CADPS2: variants seen among roughly 807,000 people sequenced by gnomAD.
CADPS2 encodes calcium dependent secretion activator 2.
A neutral mutation model predicts 172.5 loss-of-function variants in CADPS2; 93 were observed. That is an observed-to-expected ratio of 0.54 (90% CI 0.46 to 0.64). CADPS2 has a LOEUF of 0.64. Ranked by LOEUF, CADPS2 falls within the 30% of genes least tolerant of loss-of-function variation. The probability of loss-of-function intolerance (pLI) is 0.00; values close to 1 mark genes in which losing one functional copy is unlikely to be tolerated. For synonymous variants in CADPS2, 546 were observed against 555.2 expected, an observed-to-expected ratio of 0.98 and a Z score of 0.23; for missense variants, 1,420 against 1,565.9, an observed-to-expected ratio of 0.91 and a Z score of 1.57.
chr7:122,318,909 G>A lies in CADPS2; in HGVS notation c.*1256C>T, dbSNP rs929605848. Reference sequence around the variant, plus strand: ...TACCTCCACTTATTCTGCATTAACTGCCTTCATTTAAAAATTACTTATTAA... The same window carrying A: ...TACCTCCACTTATTCTGCATTAACTACCTTCATTTAAAAATTACTTATTAA... On this transcript the variant is annotated 3_prime_UTR_variant, in exon 30 of 30. Transcript: ENST00000449022. The A allele has an allele frequency of 6.6e-6, 1 of 152,128 alleles. No homozygotes were observed. Among genetic ancestry groups the A allele is most frequent in the African/African-American group, 2.4e-5 (1 of 41,426 alleles). The allele number at this position is 152,128 out of a possible 1,614,324, so 9.4% of individuals were successfully genotyped here.
intron 7 of CADPS2, among the ~76,000 whole-genome samples, chr7:122,560,970 T>A (rs1431636766): frequency 6.6e-6 from 1 of 152,200 alleles, no homozygotes; most frequent in South Asian, 2.1e-4. Flanking sequence ...ATGGATCAGA[T>A]GATTTGTCTA....
intron 1 of CADPS2, among the ~76,000 whole-genome samples, chr7:122,867,445 G>C (rs145456138): frequency 6.6e-6 from 1 of 152,096 alleles, no homozygotes; most frequent in Non-Finnish European, 1.5e-5. Context: ...ACTCCACCCT[G>C]AGCACCCAAG....
intron 1 of CADPS2, among the ~76,000 whole-genome samples, chr7:122,762,685 T>C (rs573121759): frequency 4.1e-4 from 62 of 152,140 alleles, no homozygotes; most frequent in Admixed American, 9.2e-4. Context: ...ACAAAAACTT[T>C]AACCAAGGAG....
intron 1 of CADPS2, among the ~76,000 whole-genome samples, chr7:122,858,561 T>C (rs983326800): frequency 3.3e-5 from 5 of 152,178 alleles, no homozygotes; most frequent in African/African-American, 1.2e-4. Context: ...CTTCTAAGAC[T>C]TCAAGTGTCA....
chr7:122,872,544 AAAG>A (rs1478817716), intron 1 of CADPS2, among the ~76,000 whole-genome samples: 3 of 152,202 alleles, frequency 2.0e-5, no homozygotes, highest in East Asian at 3.9e-4. Flanking sequence ...CTGAGTCAGA[AAAG>A]AAGAGCTTCA....
At chr7:122,522,946 TACC>T (rs980915401) in intron 8 of CADPS2, among the ~76,000 whole-genome samples, 1 of 152,216 alleles carries the variant, frequency 6.6e-6, no homozygotes, top group African/African-American at 2.4e-5. Context: ...TGTGTACATG[TACC>T]ACATTTTCTT....
At chr7:122,391,003 T>C (rs1421098191) in intron 22 of CADPS2, among the ~76,000 whole-genome samples, 5 of 152,040 alleles carry the variant, frequency 3.3e-5, no homozygotes, top group Admixed American at 6.6e-5. Context: ...GATTTATGCA[T>C]TGGTAGGCAG....
At chr7:122,521,035 C>CT (rs2060745831) in intron 8 of CADPS2, among the ~76,000 whole-genome samples, 1 of 151,722 alleles carries the variant, frequency 6.6e-6, no homozygotes, top group South Asian at 2.1e-4. Context: ...ATGATAAAGC[C>CT]TTTTCTTCTA....
intron 13 of CADPS2, among the ~76,000 whole-genome samples, chr7:122,472,003 A>G (rs1030609105): frequency 6.6e-6 from 1 of 152,228 alleles, no homozygotes; most frequent in Non-Finnish European, 1.5e-5. Context: ...GTATACATGT[A>G]CTATTTGGGA....
chr7:122,459,796 C>T (rs868457149), intron 14 of CADPS2, among the ~76,000 whole-genome samples: 1 of 152,146 alleles, frequency 6.6e-6, no homozygotes, highest in African/African-American at 2.4e-5. Context: ...ATTTATGGAC[C>T]ACTTGGTCAG....
intron 14 of CADPS2, among the ~76,000 whole-genome samples, chr7:122,452,328 A>G (rs1340324336): frequency 2.0e-5 from 3 of 152,208 alleles, no homozygotes; most frequent in African/African-American, 4.8e-5. Flanking sequence ...CTGTTTATAT[A>G]TTTTAATAAC....
intron 1 of CADPS2, among the ~76,000 whole-genome samples, chr7:122,806,324 A>G (rs993360062): frequency 1.3e-5 from 2 of 152,228 alleles, no homozygotes; most frequent in Non-Finnish European, 1.5e-5. Flanking sequence ...GGTAATAATC[A>G]TAATTTGATC....
At chr7:122,517,302 TG>T (rs1217582985) in intron 8 of CADPS2, among the ~76,000 whole-genome samples, 1 of 152,130 alleles carries the variant, frequency 6.6e-6, no homozygotes. Context: ...ATTCACTAGT[TG>T]GTGGACATTT....
rs1238786722 is a variant in CADPS2, at chr7:122,886,202, C to T, written c.136G>A (p.Gly46Arg). ...PTREGRRDAPGRAGGGGAARS... is the reference protein window; with the variant it reads ...PTREGRRDAPRRAGGGGAARS... ...GCCGCGCCGCCGCCGCCCGCGCGCCCCGGCGCGTCCCGCCGCCCTTCCCGA... is the reference window on the plus strand; with the variant it reads ...GCCGCGCCGCCGCCGCCCGCGCGCCTCGGCGCGTCCCGCCGCCCTTCCCGA... The change falls in exon 1 of 30, where the codon GGG (glycine) becomes AGG (arginine). Residue 46 changes from glycine to arginine, a missense_variant. Gly to Arg is a moderately radical substitution (Grantham distance 125). Coordinates refer to ENST00000449022, the MANE Select transcript of CADPS2 (RefSeq NM_017954.11). 3 of 1,470,534 alleles carry T rather than the reference C, an allele frequency of 2.0e-6. No individual in the cohort carries two copies. The highest frequency in any genetic ancestry group is 2.7e-6 in the Non-Finnish European group (3 of 1,120,714). 91.1% of individuals were successfully genotyped at this position (1,470,534 alleles called of 1,614,324 possible).
chr7:122,515,399 T>C (rs1447376379), intron 8 of CADPS2, among the ~76,000 whole-genome samples: 1 of 152,202 alleles, frequency 6.6e-6, no homozygotes, highest in Admixed American at 6.5e-5. Flanking sequence ...TGTCTTTCTC[T>C]GCAATTTCCT....
chr7:122,346,105 G>T (rs1263868199), intron 27 of CADPS2, among the ~76,000 whole-genome samples: 1 of 152,088 alleles, frequency 6.6e-6, no homozygotes, highest in African/African-American at 2.4e-5. Flanking sequence ...CATGGCTCAT[G>T]CCTGCAATCC....
At position 122,407,436 on chromosome 7, in the gene CADPS2, G is replaced by C. The variant is rs1018556364; in HGVS notation, c.2746+104C>G. On this transcript the variant is annotated intron_variant, in intron 20 of 29. Transcript: ENST00000449022. ...GAGCAAACCTAAATGTTACCCATGC[G>C]AACTCTTGTCAGGCCGGTGTGAGGG... 2.3e-5 allele frequency: 28 copies of C among 1,241,000 alleles called. No homozygotes were observed. The African/African-American group carries it at 4.1e-4, about 18-fold the overall frequency. 76.9% of individuals were successfully genotyped at this position (1,241,000 alleles called of 1,614,324 possible).
intron 6 of CADPS2, among the ~76,000 whole-genome samples, chr7:122,595,145 A>G: frequency 1.3e-5 from 2 of 150,282 alleles, no homozygotes; most frequent in Non-Finnish European, 3.0e-5. Flanking sequence ...AAAGAGTTAG[A>G]TGTGTTATAT....
chr7:122,359,143 G>A (rs878907856), intron 27 of CADPS2, among the ~76,000 whole-genome samples: 2 of 152,116 alleles, frequency 1.3e-5, no homozygotes, highest in Non-Finnish European at 2.9e-5. Context: ...GAAAATAAGC[G>A]TTCCTCAGAC....
Sources: gnomAD v4.1 joint callset for allele counts (sites outside exome capture counted in the v4.1 genomes callset) on GRCh38, gnomAD v4.1.1 for gene constraint, MANE v1.5 for transcripts, NCBI Gene and HGNC (gene_info 2026-07-23, HGNC 2026-07-21) for gene names.